Variants in NRXN1 observed in about 807,000 individuals in gnomAD.
The protein encoded by NRXN1 is neurexin 1, also known as neurexin-1.
In NRXN1, 39 loss-of-function variants were observed where a neutral mutation model predicts 150.9. The ratio of observed to expected loss-of-function variants is 0.26; its 90% confidence interval spans 0.20 to 0.34. NRXN1 has a LOEUF of 0.34. NRXN1 is among the 10% of genes least tolerant of loss of function. NRXN1 has a pLI of 1.00. For synonymous variants in NRXN1, 924 were observed against 757.0 expected (o/e 1.22, Z -3.62); for missense variants, 1,815 against 1,949.9 (o/e 0.93, Z 1.30).
chr2:50,001,580 G>A (rs1384200003), intron 21 of NRXN1, among the ~76,000 whole-genome samples: 1 of 152,066 alleles, frequency 6.6e-6, no homozygotes, highest in Non-Finnish European at 1.5e-5. Context: ...TGCTTTGGAT[G>A]AGTAACTTAA....
chr2:50,654,188 A>G (rs1472633428), intron 5 of NRXN1, among the ~76,000 whole-genome samples: 1 of 17,660 alleles, frequency 5.7e-5, no homozygotes, highest in African/African-American at 2.0e-4. Flanking sequence ...CCCTCCCCCC[A>G]CCCCACAACA....
intron 17 of NRXN1, among the ~76,000 whole-genome samples, chr2:50,394,876 G>T (rs2081963109): frequency 6.6e-6 from 1 of 151,650 alleles, no homozygotes; most frequent in Non-Finnish European, 1.5e-5. Flanking sequence ...AGTTACCCAG[G>T]TCTTCTTATT....
chr2:50,351,158 G>C (rs1429186106), intron 17 of NRXN1, among the ~76,000 whole-genome samples: 2 of 152,142 alleles, frequency 1.3e-5, no homozygotes, highest in African/African-American at 4.8e-5. Flanking sequence ...GGGAAACTGA[G>C]GCAGAATCTC....
At position 50,013,944 on chromosome 2, in the gene NRXN1, G is replaced by C. The variant is rs889398563; in HGVS notation, c.4128+39327C>G. ...ATGACGGAATGCTAAAGCTAGGTGA[G>C]TTAGGAAGGGTTATTTGGAGATAAG... On this transcript the variant is annotated intron_variant, in intron 21 of 22. Coordinates refer to ENST00000401669, the MANE Select transcript of NRXN1 (RefSeq NM_001330078.2). Among the ~76,000 whole-genome samples, 12 of 152,202 alleles carry C rather than the reference G, an allele frequency of 7.9e-5. No homozygotes were observed. In the East Asian group the frequency reaches 2.3e-3, roughly 29 times the overall value.
intron 15 of NRXN1, among the ~76,000 whole-genome samples, chr2:50,490,529 C>T (rs1455609642): frequency 1.3e-5 from 2 of 152,146 alleles, no homozygotes; most frequent in Non-Finnish European, 1.5e-5. Context: ...GTATTAAACC[C>T]TGTACTGGGG....
In NRXN1 at chr2:51,028,691, C is replaced by G. The variant is rs1671021235; in HGVS notation, c.-418G>C. Reference sequence around the variant, plus strand: ...AATCCCATTATCTGCCAGGTTCCACCAGTGGTACCAGGCCAAAAGGAAGCA... The same window carrying G: ...AATCCCATTATCTGCCAGGTTCCACGAGTGGTACCAGGCCAAAAGGAAGCA... On this transcript the variant is annotated 5_prime_UTR_variant, in exon 2 of 23. Transcript: ENST00000401669. 6.0e-6 allele frequency: 1 copy of G among 167,004 alleles called. No individual in the cohort carries two copies. Among genetic ancestry groups the G allele is most frequent in the Non-Finnish European group, 1.3e-5 (1 of 78,692 alleles). 10.3% of individuals were successfully genotyped at this position (167,004 alleles called of 1,614,324 possible). A position where few individuals can be genotyped will look rare whatever the true frequency, so the allele number is the denominator to read the frequency against.
At position 50,559,293 on chromosome 2, in the gene NRXN1, T is replaced by C. The variant is rs191533072; in HGVS notation, c.1321-6268A>G. Among the ~76,000 whole-genome samples, 14 of 152,182 alleles carry C rather than the reference T, an allele frequency of 9.2e-5. No homozygotes were observed. In the East Asian group the frequency reaches 2.1e-3, roughly 23 times the overall value. On this transcript the variant is annotated intron_variant, in intron 8 of 22. Coordinates refer to ENST00000401669, the MANE Select transcript of NRXN1 (RefSeq NM_001330078.2). Reference sequence around the variant, plus strand: ...CAGATAAATTGCATTTGCTTTGCCATGATCTGGGTAAGAAAGAGCTCAGAA... The same window carrying C: ...CAGATAAATTGCATTTGCTTTGCCACGATCTGGGTAAGAAAGAGCTCAGAA...
intron 17 of NRXN1, among the ~76,000 whole-genome samples, chr2:50,352,753 G>GATAATAATA (rs201046323): frequency 7.2e-5 from 6 of 83,810 alleles, no homozygotes; most frequent in African/African-American, 2.5e-4. Flanking sequence ...TAAGAGCATT[G>GATAATAATA]ATAATAATAA....
rs183059729 is a variant in NRXN1 at position 50,151,475 on chromosome 2, T to C, written c.3547-59981A>G. On this transcript the variant is annotated intron_variant, in intron 18 of 22. Transcript: ENST00000401669. ...TTTCTTCTCTAATCACCCTACTAGATTTTCATAGAGTGTTTAATATGAGGG... is the reference window on the plus strand; with the variant it reads ...TTTCTTCTCTAATCACCCTACTAGACTTTCATAGAGTGTTTAATATGAGGG... Among the ~76,000 whole-genome samples the C allele has an allele frequency of 2.5e-3, 376 of 151,824 alleles. 2 individuals are homozygous for C. The highest frequency in any genetic ancestry group is 6.8e-3 in the Middle Eastern group (2 of 294).
intron 5 of NRXN1, among the ~76,000 whole-genome samples, chr2:50,646,067 G>A (rs916438214): frequency 6.6e-6 from 1 of 151,936 alleles, no homozygotes; most frequent in African/African-American, 2.4e-5. Flanking sequence ...AGAAAAGGCA[G>A]GGAACATTCC....
At chr2:50,715,831 T>C (rs2105080268) in intron 5 of NRXN1, among the ~76,000 whole-genome samples, 1 of 152,342 alleles carries the variant, frequency 6.6e-6, no homozygotes, top group Middle Eastern at 3.4e-3. Context: ...AATCTCCATA[T>C]ATTGATCTCT....
chr2:50,392,705 A>G (rs980315017), intron 17 of NRXN1, among the ~76,000 whole-genome samples: 2 of 152,150 alleles, frequency 1.3e-5, no homozygotes, highest in Non-Finnish European at 2.9e-5. Flanking sequence ...TGATAAATAC[A>G]TGTTTCATAC....
chr2:50,918,796 A>G, intron 5 of NRXN1: 1 of 274,188 alleles, frequency 3.6e-6, no homozygotes, highest in Admixed American at 5.4e-5. Flanking sequence ...TAAAATTAGC[A>G]TTATCAATGA....
intron 2 of NRXN1, among the ~76,000 whole-genome samples, chr2:51,015,657 G>GA (rs952070520): frequency 4.7e-4 from 70 of 149,548 alleles, no homozygotes; most frequent in African/African-American, 9.3e-4. Flanking sequence ...AACTTCAAGT[G>GA]AAAAAAAAAT....
intron 17 of NRXN1, among the ~76,000 whole-genome samples, chr2:50,267,757 T>C (rs1182552993): frequency 6.6e-6 from 1 of 152,174 alleles, no homozygotes; most frequent in Non-Finnish European, 1.5e-5. Context: ...AACCGTTGTA[T>C]AAATAATGCT....
At position 50,494,979 on chromosome 2, in the gene NRXN1, C is replaced by T. The variant is rs553922428; in HGVS notation, c.3070+926G>A. Reference sequence around the variant, plus strand: ...CTAAGAGGCAGAGACTGAAGTGAGCCGAGATCGTGCCACTGCACTCCAGCC... The same window carrying T: ...CTAAGAGGCAGAGACTGAAGTGAGCTGAGATCGTGCCACTGCACTCCAGCC... On this transcript the variant is annotated intron_variant, in intron 15 of 22. Coordinates refer to ENST00000401669, the MANE Select transcript of NRXN1 (RefSeq NM_001330078.2). Among the ~76,000 whole-genome samples, 14 of 149,350 alleles carry T rather than the reference C, an allele frequency of 9.4e-5. No individual in the cohort carries two copies. In the East Asian group the frequency reaches 2.2e-3, roughly 23 times the overall value.
At chr2:50,076,832 A>G (rs1697181198) in intron 19 of NRXN1, among the ~76,000 whole-genome samples, 1 of 152,232 alleles carries the variant, frequency 6.6e-6, no homozygotes, top group African/African-American at 2.4e-5. Flanking sequence ...AAGGACCCCT[A>G]AACAGCCCTT....
intron 22 of NRXN1, among the ~76,000 whole-genome samples, chr2:49,926,715 C>G (rs551176658): frequency 7.7e-4 from 117 of 152,200 alleles, no homozygotes; most frequent in African/African-American, 2.7e-3. Context: ...TAAACAACAA[C>G]AGGAAAGGAA....
intron 17 of NRXN1, among the ~76,000 whole-genome samples, chr2:50,460,005 T>A (rs1269397234): frequency 6.6e-6 from 1 of 152,066 alleles, no homozygotes; most frequent in Non-Finnish European, 1.5e-5. Context: ...AACATTCAGA[T>A]GAGGCTATCT....
Sources: gnomAD v4.1 joint callset for allele counts (sites outside exome capture counted in the v4.1 genomes callset) on GRCh38, gnomAD v4.1.1 for gene constraint, MANE v1.5 for transcripts, NCBI Gene and HGNC (gene_info 2026-07-23, HGNC 2026-07-21) for gene names.